The following VPS13B variants were observed in gnomAD, a reference collection of about 807,000 sequenced individuals.
VPS13B encodes vacuolar protein sorting 13 homolog B.
Under a neutral mutation model 426.4 loss-of-function variants are expected in VPS13B, and 285 were observed. The observed-to-expected ratio is 0.67, with a 90% CI of 0.61 to 0.74. The LOEUF is 0.74. VPS13B is among the 30% of genes least tolerant of loss of function. The pLI is 0.00. For synonymous variants in VPS13B, 1,676 were observed against 1,676.4 expected (o/e 1.00, Z 0.01); for missense variants, 4,537 against 4,782.6 (o/e 0.95, Z 1.51).
At chr8:99,500,494 A>G (rs1483987105) in intron 25 of VPS13B, among the ~76,000 whole-genome samples, 1 of 152,148 alleles carries the variant, frequency 6.6e-6, no homozygotes, top group African/African-American at 2.4e-5. Context: ...TGAGATAAAT[A>G]TCACTATAAT....
intron 10 of VPS13B, 146 bp downstream of exon 10, chr8:99,135,283 T>A: frequency 2.3e-6 from 3 of 1,287,830 alleles, no homozygotes; most frequent in Non-Finnish European, 3.2e-6. Context: ...GTGTTTCACC[T>A]GCCAGAAATT....
intron 17 of VPS13B, among the ~76,000 whole-genome samples, chr8:99,206,166 C>G (rs1297872173): frequency 4.3e-4 from 65 of 152,172 alleles, no homozygotes; most frequent in Non-Finnish European, 8.8e-5. Context: ...GGACTTGCTA[C>G]CACTTTTCCT....
intron 3 of VPS13B, among the ~76,000 whole-genome samples, chr8:99,066,900 C>G (rs1169321888): frequency 6.6e-6 from 1 of 152,208 alleles, no homozygotes; most frequent in East Asian, 1.9e-4. Flanking sequence ...AAATGCTCAT[C>G]ATTACTGGTC....
At chr8:99,249,431 T>G (rs1338656657) in intron 17 of VPS13B, among the ~76,000 whole-genome samples, 1 of 150,850 alleles carries the variant, frequency 6.6e-6, no homozygotes, top group Non-Finnish European at 1.5e-5. Context: ...TGAATGGTTT[T>G]TTTTTTTTTT....
intron 15 of VPS13B, 55 bp from the exon 16 acceptor site, chr8:99,169,984 G>T (rs982299206): frequency 1.2e-6 from 2 of 1,604,866 alleles, no homozygotes; most frequent in South Asian, 1.1e-5. Flanking sequence ...ATTTCATCCT[G>T]TGCTTATTAA....
At chr8:99,051,614 C>T (rs1162597873) in intron 3 of VPS13B, among the ~76,000 whole-genome samples, 2 of 152,146 alleles carry the variant, frequency 1.3e-5, no homozygotes, top group Non-Finnish European at 2.9e-5. Context: ...TATAAATTAC[C>T]TTGGGCAATA....
chr8:99,095,012 A>T (rs1010147131), intron 3 of VPS13B, among the ~76,000 whole-genome samples: 1 of 152,144 alleles, frequency 6.6e-6, no homozygotes, highest in African/African-American at 2.4e-5. Flanking sequence ...ATCTTCCCTC[A>T]TGTTACTACT....
In VPS13B at chr8:99,365,501, C is replaced by CTTT. The variant is rs1490214313; in HGVS notation, c.2825-18705_2825-18704insTTT. On this transcript the variant is annotated intron_variant, in intron 19 of 61. Coordinates refer to ENST00000357162, the MANE Select transcript of VPS13B (RefSeq NM_152564.5). ...TTGTTTCAAGAAATTTTCCAATTTT[C>CTTT]TTCTTCTTCTTCTTCTTTTTTTTTT... 9.6e-3 allele frequency among the ~76,000 whole-genome samples: 560 copies of CTTT among 58,448 alleles called. 2 individuals carry two copies. Among genetic ancestry groups the CTTT allele is most frequent in the African/African-American group, 0.031 (538 of 17,228 alleles). 38.3% of individuals were successfully genotyped at this position (58,448 alleles called of 152,430 possible).
intron 31 of VPS13B, among the ~76,000 whole-genome samples, chr8:99,564,917 C>T (rs1430958680): frequency 6.6e-6 from 1 of 152,166 alleles, no homozygotes; most frequent in South Asian, 2.1e-4. Context: ...TAGCTAATCA[C>T]TTTCTTTTTC....
At chr8:99,423,163 A>G (rs1313150632) in intron 21 of VPS13B, among the ~76,000 whole-genome samples, 1 of 151,934 alleles carries the variant, frequency 6.6e-6, no homozygotes, top group Non-Finnish European at 1.5e-5. Context: ...ACTGATGCTG[A>G]ATATCTTTTA....
At chr8:99,746,595 G>C (rs978897226) in intron 39 of VPS13B, among the ~76,000 whole-genome samples, 1 of 151,896 alleles carries the variant, frequency 6.6e-6, no homozygotes, top group African/African-American at 2.4e-5. Flanking sequence ...ATACATCATA[G>C]TAGTTTAATA....
At chr8:99,499,353 CCA>C (rs1356344342) in intron 25 of VPS13B, among the ~76,000 whole-genome samples, 2 of 152,070 alleles carry the variant, frequency 1.3e-5, no homozygotes, top group African/African-American at 4.8e-5. Context: ...AAATTTGCAG[CCA>C]CAGTTTTCTT....
At chr8:99,115,642 TA>T in intron 6 of VPS13B, 57 bp from the exon 7 acceptor site, 1 of 1,554,744 alleles carries the variant, frequency 6.4e-7, no homozygotes, top group Non-Finnish European at 8.8e-7. Context: ...TTTCTTTATG[TA>T]AAAAATACTC....
chr8:99,299,337 C>G (rs1431404466), intron 19 of VPS13B, among the ~76,000 whole-genome samples: 1 of 151,952 alleles, frequency 6.6e-6, no homozygotes, highest in Admixed American at 6.6e-5. Flanking sequence ...GCTGGAATTA[C>G]AGGTGTGAGC....
chr8:99,479,604 A>T (rs1317383814), intron 24 of VPS13B, among the ~76,000 whole-genome samples: 1 of 152,062 alleles, frequency 6.6e-6, no homozygotes, highest in African/African-American at 2.4e-5. Flanking sequence ...CCTCCCTCCC[A>T]TTCCTCCCCA....
intron 19 of VPS13B, among the ~76,000 whole-genome samples, chr8:99,281,657 G>A (rs1819178568): frequency 6.6e-6 from 1 of 152,196 alleles, no homozygotes; most frequent in African/African-American, 2.4e-5. Context: ...TGTGCGATAA[G>A]TAATAAAGTC....
chr8:99,540,903 A>G (rs1823582677), intron 30 of VPS13B, among the ~76,000 whole-genome samples: 1 of 152,044 alleles, frequency 6.6e-6, no homozygotes, highest in South Asian at 2.1e-4. Flanking sequence ...TTTCTTTTCT[A>G]TTACAGGGTT....
intron 24 of VPS13B, among the ~76,000 whole-genome samples, chr8:99,476,448 T>C (rs1819693981): frequency 6.6e-6 from 1 of 151,776 alleles, no homozygotes; most frequent in Admixed American, 6.6e-5. Context: ...CAAATTCTTA[T>C]TGAGTGCTAC....
chr8:99,376,046 G>A (rs1455664148), intron 19 of VPS13B, among the ~76,000 whole-genome samples: 1 of 152,198 alleles, frequency 6.6e-6, no homozygotes, highest in Non-Finnish European at 1.5e-5. Context: ...GGGTGTAACT[G>A]CAAATGACAG....
Sources: gnomAD v4.1 joint callset for allele counts (sites outside exome capture counted in the v4.1 genomes callset) on GRCh38, gnomAD v4.1.1 for gene constraint, MANE v1.5 for transcripts, NCBI Gene and HGNC (gene_info 2026-07-23, HGNC 2026-07-21) for gene names.